The following PPM1H variants were observed in gnomAD, a reference collection of about 807,000 sequenced individuals.
PPM1H encodes protein phosphatase 1H.
Under a neutral mutation model 54.9 loss-of-function variants are expected in PPM1H, and 27 were observed. The ratio of observed to expected loss-of-function variants is 0.49; its 90% CI spans 0.36 to 0.68. The LOEUF (loss-of-function observed/expected upper bound fraction) is 0.68, where lower values mean the gene tolerates loss of function less well. Ranked by LOEUF, PPM1H falls within the 30% of genes least tolerant of loss-of-function variation. PPM1H has a pLI of 0.00. For synonymous variants in PPM1H, 305 were observed against 270.8 expected (o/e 1.13, Z -1.24); for missense variants, 596 against 667.8 (o/e 0.89, Z 1.19).
At chr12:62,713,132 C>T (rs1292481422) in intron 6 of PPM1H, among the ~76,000 whole-genome samples, 1 of 152,180 alleles carries the variant, frequency 6.6e-6, no homozygotes, top group East Asian at 1.9e-4. Flanking sequence ...GAGTTTCTCT[C>T]TCCAGAAAGC....
At chr12:62,744,961 A>G (rs2076402063) in intron 4 of PPM1H, among the ~76,000 whole-genome samples, 2 of 152,162 alleles carry the variant, frequency 1.3e-5, no homozygotes, top group South Asian at 4.1e-4. Flanking sequence ...GCTGCATGTC[A>G]TCTGCCAGAC....
rs572830117 is a variant in PPM1H at position 62,886,394 on chromosome 12, G to T, written c.245+48098C>A. ...AAGTTATTTTGTGCATTTTGGATGT[G>T]TACAATCTCATATAACTGGATTATC... On this transcript the variant is annotated intron_variant, in intron 1 of 9. Coordinates refer to ENST00000228705, the MANE Select transcript of PPM1H (RefSeq NM_020700.2). Among the ~76,000 whole-genome samples the T allele has an allele frequency of 8.5e-5, 13 of 152,234 alleles. No individual in the cohort carries two copies. In the South Asian group the frequency reaches 2.7e-3, roughly 32 times the overall value.
At position 62,737,537 on chromosome 12, in the gene PPM1H, T is replaced by A; in HGVS notation, c.919A>T (p.Thr307Ser). 2 of 1,587,848 alleles carry A rather than the reference T, an allele frequency of 1.3e-6. No homozygotes were observed. The highest frequency in any genetic ancestry group is 8.6e-7 in the Non-Finnish European group (1 of 1,166,294). Residue 307 changes from threonine (T) to serine (S), a missense_variant, in exon 5 of 10, where the codon ACC (threonine) becomes TCC (serine). Coordinates refer to ENST00000228705, the MANE Select transcript of PPM1H (RefSeq NM_020700.2). ...AGTCGCTGGCGCTCCGTCTCGGGGGTAAATTCTGAAGACATGGGGATAATT... is the reference window on the plus strand; with the variant it reads ...AGTCGCTGGCGCTCCGTCTCGGGGGAAAATTCTGAAGACATGGGGATAATT... The part of the protein sequence containing the change: ...GEIIPMSSEF[T>S]PETERQRLQY...
Position 62,720,299 on chromosome 12 carries a change from A to G in PPM1H, c.955-10T>C. 6.4e-7 allele frequency: 1 copy of G among 1,561,972 alleles called. No homozygotes were observed. Among genetic ancestry groups the G allele is most frequent in the Non-Finnish European group, 8.8e-7 (1 of 1,133,674 alleles). On this transcript the variant is annotated splice_polypyrimidine_tract_variant and intron_variant, in intron 5 of 9. Transcript: ENST00000228705. ...GAGGCTGCATGAATGCCTAATAGCA[A>G]AAAGAAAAAGAAAAAACACACACAT...
intron 8 of PPM1H, among the ~76,000 whole-genome samples, chr12:62,673,026 C>A (rs1404764600): frequency 1.3e-5 from 2 of 152,234 alleles, no homozygotes; most frequent in Non-Finnish European, 2.9e-5. Context: ...AACTGAGACA[C>A]TTCCAAATCG....
chr12:62,770,777 C>T (rs545322912), intron 4 of PPM1H, among the ~76,000 whole-genome samples: 4 of 152,214 alleles, frequency 2.6e-5, no homozygotes, highest in Admixed American at 2.0e-4. Context: ...ATGGATTGCA[C>T]GAATCCAATT....
At chr12:62,656,192 G>A (rs747077144) in intron 9 of PPM1H, among the ~76,000 whole-genome samples, 8 of 152,188 alleles carry the variant, frequency 5.3e-5, no homozygotes, top group Non-Finnish European at 8.8e-5. Flanking sequence ...AAGGGCTCTG[G>A]GTGTAAGCGT....
In PPM1H at chr12:62,807,736, C is replaced by T. The variant is rs116447408; in HGVS notation, c.412-5576G>A. On this transcript the variant is annotated intron_variant, in intron 2 of 9. Transcript: ENST00000228705. ...CATACTATTCGGGGAAATACAACCA[C>T]ATTGTGGGCTCTGCTATGTGCTTAG... is the stretch of plus-strand genomic sequence containing the variant. 4.2e-3 allele frequency among the ~76,000 whole-genome samples: 645 copies of T among 152,316 alleles called. 6 individuals carry two copies. Among genetic ancestry groups the T allele is most frequent in the African/African-American group, 0.014 (600 of 41,578 alleles).
At chr12:62,784,277 T>C (rs562640301) in intron 4 of PPM1H, among the ~76,000 whole-genome samples, 1 of 152,274 alleles carries the variant, frequency 6.6e-6, no homozygotes, top group East Asian at 1.9e-4. Context: ...AATGGTCCTA[T>C]GTCCTCTGAA....
chr12:62,705,296 T>C (rs1401963869), intron 6 of PPM1H, among the ~76,000 whole-genome samples: 1 of 152,260 alleles, frequency 6.6e-6, no homozygotes, highest in Non-Finnish European at 1.5e-5. Flanking sequence ...GAACAGAACC[T>C]GCTCTAAGTA....
intron 3 of PPM1H, among the ~76,000 whole-genome samples, chr12:62,793,832 G>A (rs142827540): frequency 2.6e-5 from 4 of 151,572 alleles, no homozygotes; most frequent in African/African-American, 4.8e-5. Context: ...AATATTGCCC[G>A]GGATGGTAAT....
At chr12:62,833,318 C>T (rs1430407697) in intron 1 of PPM1H, among the ~76,000 whole-genome samples, 1 of 152,154 alleles carries the variant, frequency 6.6e-6, no homozygotes, top group African/African-American at 2.4e-5. Context: ...GTTGCACAGC[C>T]TCCTAACAGT....
chr12:62,884,520 A>G (rs1870515708), intron 1 of PPM1H, among the ~76,000 whole-genome samples: 1 of 141,826 alleles, frequency 7.1e-6, no homozygotes, highest in Admixed American at 7.0e-5. Context: ...AAAAAAAAAG[A>G]AAGAAAGAAA....
chr12:62,705,951 T>C (rs2076171608), intron 6 of PPM1H, among the ~76,000 whole-genome samples: 1 of 152,180 alleles, frequency 6.6e-6, no homozygotes, highest in East Asian at 1.9e-4. Flanking sequence ...GCACAGGCAG[T>C]TCCTCTGTGT....
intron 1 of PPM1H, among the ~76,000 whole-genome samples, chr12:62,911,016 A>C (rs1871442249): frequency 6.6e-6 from 1 of 152,228 alleles, no homozygotes; most frequent in Admixed American, 6.5e-5. Flanking sequence ...AAACAAGAGA[A>C]TGTGGGACAG....
rs536751426 is a variant in PPM1H, at chr12:62,681,837, A to T, written c.1245+7862T>A. On this transcript the variant is annotated intron_variant, in intron 8 of 9. Coordinates refer to ENST00000228705, the MANE Select transcript of PPM1H (RefSeq NM_020700.2). ...CGGACTCATGATACCTATGGAAAGAACCACTGAAATTTTGTGGTTGTAATG... is the reference window on the plus strand; with the variant it reads ...CGGACTCATGATACCTATGGAAAGATCCACTGAAATTTTGTGGTTGTAATG... Among the ~76,000 whole-genome samples, 8 of 152,344 alleles carry T rather than the reference A, an allele frequency of 5.3e-5. No individual in the cohort carries two copies. In the East Asian group the frequency reaches 1.3e-3, roughly 26 times the overall value.
At position 62,824,653 on chromosome 12, in the gene PPM1H, G is replaced by A. The variant is rs572645375; in HGVS notation, c.411+7461C>T. 3.9e-5 allele frequency among the ~76,000 whole-genome samples: 6 copies of A among 152,246 alleles called. No homozygotes were observed. The East Asian group carries it at 1.2e-3, about 29-fold the overall frequency. ...CTGACAAAAACAAGAAATGGGGAAA[G>A]GATTCCCTATTTAATAAATGGTGCT... On this transcript the variant is annotated intron_variant, in intron 2 of 9. Coordinates refer to ENST00000228705, the MANE Select transcript of PPM1H (RefSeq NM_020700.2).
chr12:62,821,407 A>G (rs1432669446), intron 2 of PPM1H, among the ~76,000 whole-genome samples: 1 of 152,226 alleles, frequency 6.6e-6, no homozygotes, highest in Non-Finnish European at 1.5e-5. Flanking sequence ...ATTAAAATTC[A>G]GGAAATACAG....
intron 7 of PPM1H, among the ~76,000 whole-genome samples, chr12:62,690,610 T>C (rs7306305): frequency 0.15 from 23,150 of 152,216 alleles, 2,605 homozygotes; most frequent in African/African-American, 0.31. Context: ...CAAACATTTA[T>C]TGGGTGCCTA....
Sources: allele counts gnomAD v4.1 joint callset (sites outside exome capture counted in the v4.1 genomes callset), GRCh38; gene constraint gnomAD v4.1.1; transcripts MANE v1.5; gene names NCBI Gene and HGNC (gene_info 2026-07-23, HGNC 2026-07-21).